ROBO2: variants seen among roughly 807,000 people sequenced by gnomAD.
ROBO2 encodes roundabout homolog 2.
ROBO2 carries 53 observed loss-of-function variants against 160.8 expected under a neutral mutation model. The ratio of observed to expected loss-of-function variants is 0.33; its 90% CI spans 0.26 to 0.41. The LOEUF is 0.41. Among genes scored for constraint, ROBO2 ranks in the 10% least tolerant of loss-of-function variants. The pLI, the probability that ROBO2 is intolerant of heterozygous loss-of-function variation, is 1.00. For synonymous variants in ROBO2, 664 were observed against 611.7 expected (o/e 1.09, Z -1.26); for missense variants, 1,577 against 1,722.4 (o/e 0.92, Z 1.49).
intron 2 of ROBO2, among the ~76,000 whole-genome samples, chr3:76,826,574 T>C (rs1576879841): frequency 6.6e-6 from 1 of 152,214 alleles, no homozygotes; most frequent in African/African-American, 2.4e-5. Flanking sequence ...AAGAGCATGC[T>C]ACATAAGGCT....
intron 2 of ROBO2, among the ~76,000 whole-genome samples, chr3:76,167,523 T>C (rs998836897): frequency 1.3e-5 from 2 of 152,192 alleles, no homozygotes; most frequent in Non-Finnish European, 2.9e-5. Flanking sequence ...TATGCTGTCA[T>C]ATCATGCACG....
chr3:76,996,024 C>T (rs551646925), intron 2 of ROBO2, among the ~76,000 whole-genome samples: 16 of 152,238 alleles, frequency 1.1e-4, no homozygotes, highest in South Asian at 1.0e-3. Flanking sequence ...GAAGTCCTTG[C>T]CCATGCCTAT....
intron 2 of ROBO2, among the ~76,000 whole-genome samples, chr3:76,994,998 G>A (rs1361640479): frequency 1.3e-5 from 2 of 151,228 alleles, no homozygotes; most frequent in African/African-American, 2.4e-5. Context: ...TGTGCACAAC[G>A]TGCAGGTTTG....
At chr3:77,247,998 C>T (rs939665267) in intron 2 of ROBO2, among the ~76,000 whole-genome samples, 2 of 152,114 alleles carry the variant, frequency 1.3e-5, no homozygotes, top group Admixed American at 1.3e-4. Flanking sequence ...CCACCCACAG[C>T]CCCACCCCAC....
chr3:76,646,609 T>A (rs1258140585), intron 2 of ROBO2, among the ~76,000 whole-genome samples: 1 of 152,170 alleles, frequency 6.6e-6, no homozygotes, highest in East Asian at 1.9e-4. Flanking sequence ...TTAGCACAAT[T>A]CCTAACACAG....
intron 2 of ROBO2, among the ~76,000 whole-genome samples, chr3:76,786,575 A>T (rs1025551199): frequency 6.6e-6 from 1 of 151,298 alleles, no homozygotes; most frequent in Admixed American, 6.6e-5. Flanking sequence ...ACAACTGGAA[A>T]CCACTCCCAT....
At chr3:77,429,302 C>A (rs1367651337) in intron 2 of ROBO2, among the ~76,000 whole-genome samples, 4 of 152,136 alleles carry the variant, frequency 2.6e-5, no homozygotes, top group African/African-American at 9.7e-5. Context: ...CATAAGTGCA[C>A]CCGACTTGCT....
intron 2 of ROBO2, among the ~76,000 whole-genome samples, chr3:75,978,892 A>C (rs1184550368): frequency 6.6e-6 from 1 of 151,534 alleles, no homozygotes; most frequent in East Asian, 2.0e-4. Context: ...ATGGGGCATG[A>C]GTAAGTGCTT....
intron 4 of ROBO2, among the ~76,000 whole-genome samples, chr3:77,486,895 T>C (rs2085432100): frequency 6.6e-6 from 1 of 152,116 alleles, no homozygotes; most frequent in African/African-American, 2.4e-5. Flanking sequence ...GGAAGCTTTT[T>C]TCAAATGGCA....
chr3:76,977,836 A>G (rs1266623448), intron 2 of ROBO2, among the ~76,000 whole-genome samples: 1 of 152,216 alleles, frequency 6.6e-6, no homozygotes, highest in African/African-American at 2.4e-5. Context: ...CTGTCTTGGT[A>G]AAGATGGGAA....
intron 2 of ROBO2, among the ~76,000 whole-genome samples, chr3:76,750,295 C>T (rs1448405711): frequency 6.6e-6 from 1 of 152,010 alleles, no homozygotes; most frequent in Non-Finnish European, 1.5e-5. Context: ...TGGGACGTAT[C>T]TCAAAATAAT....
intron 2 of ROBO2, among the ~76,000 whole-genome samples, chr3:76,921,380 G>C (rs1293772089): frequency 6.6e-6 from 1 of 152,170 alleles, no homozygotes; most frequent in African/African-American, 2.4e-5. Context: ...GGGAGGAAGA[G>C]GCAGACGGAT....
chr3:76,238,686 A>T (rs1705106642), intron 2 of ROBO2, among the ~76,000 whole-genome samples: 1 of 151,098 alleles, frequency 6.6e-6, no homozygotes. Flanking sequence ...CACCTCCATG[A>T]TCTAATCAAC....
At chr3:76,141,198 G>GAT (rs199559599) in intron 2 of ROBO2, among the ~76,000 whole-genome samples, 20,048 of 71,500 alleles carry the variant, frequency 0.28, 2,909 homozygotes, top group Non-Finnish European at 0.37. Context: ...TTTAATGTCT[G>GAT]ATATATATAT....
intron 2 of ROBO2, among the ~76,000 whole-genome samples, chr3:76,653,371 C>A (rs570239244): frequency 1.3e-5 from 2 of 150,230 alleles, no homozygotes; most frequent in African/African-American, 2.4e-5. Flanking sequence ...TCTGCTTATA[C>A]GTATAGTAAA....
At chr3:76,408,415 C>G (rs1233368755) in intron 2 of ROBO2, among the ~76,000 whole-genome samples, 1 of 151,990 alleles carries the variant, frequency 6.6e-6, no homozygotes, top group Non-Finnish European at 1.5e-5. Context: ...CTTTTGAAGC[C>G]TATGAAACAC....
At chr3:77,088,721 C>T (rs545985431) in intron 1 of ROBO2, among the ~76,000 whole-genome samples, 1 of 152,216 alleles carries the variant, frequency 6.6e-6, no homozygotes, top group South Asian at 2.1e-4. Flanking sequence ...CGTTTTCAGT[C>T]TTTTAAATCA....
At chr3:76,138,677 G>C (rs1308546734) in intron 2 of ROBO2, among the ~76,000 whole-genome samples, 2 of 152,172 alleles carry the variant, frequency 1.3e-5, no homozygotes, top group East Asian at 3.9e-4. Context: ...ATGCTATATA[G>C]TATCTACTAC....
chr3:76,222,053 C>A (rs1040203082), intron 2 of ROBO2, among the ~76,000 whole-genome samples: 3 of 152,160 alleles, frequency 2.0e-5, no homozygotes, highest in Admixed American at 6.5e-5. Context: ...ATTGTATAAT[C>A]TGCCAGTGGT....
Sources: gnomAD v4.1 joint callset for allele counts (sites outside exome capture counted in the v4.1 genomes callset) on GRCh38, gnomAD v4.1.1 for gene constraint, MANE v1.5 for transcripts, NCBI Gene and HGNC (gene_info 2026-07-23, HGNC 2026-07-21) for gene names.